The following ACVR1 variants were observed in gnomAD, a reference collection of about 807,000 sequenced individuals.
ACVR1 encodes activin A receptor type 1, also known as activin receptor type-1.
In ACVR1, 38 loss-of-function variants were observed where a neutral mutation model predicts 57.1. The ratio of observed to expected loss-of-function variants is 0.67; its 90% CI spans 0.51 to 0.87. The LOEUF (loss-of-function observed/expected upper bound fraction) is 0.87, where lower values mean the gene tolerates loss of function less well. ACVR1 is among the 40% of genes least tolerant of loss of function. The pLI is 0.00. For missense variants in ACVR1, 463 were observed against 638.2 expected (o/e 0.73, Z 2.96); for synonymous variants, 212 against 228.1 (o/e 0.93, Z 0.63).
chr2:157,753,995 T>A (rs1262045769), intron 9 of ACVR1, among the ~76,000 whole-genome samples: 1 of 152,202 alleles, frequency 6.6e-6, no homozygotes, highest in Non-Finnish European at 1.5e-5. Flanking sequence ...TTAAATCTCC[T>A]GCTCCTCAAT....
Position 157,852,486 on chromosome 2 carries a change from G to A in ACVR1, c.-183+23310C>T, listed in dbSNP as rs138535420. Among the ~76,000 whole-genome samples the A allele has an allele frequency of 4.7e-3, 648 of 138,466 alleles. 7 individuals are homozygous for A. Among genetic ancestry groups the A allele is most frequent in the African/African-American group, 0.016 (578 of 35,890 alleles). The allele number at this position is 138,466 out of a possible 152,430, so 90.8% of individuals were successfully genotyped here. ...TACTATACAGCCTGGATGACAGAGCGAGAGCCTGTCTCAAAAAAAAAAAAA... is the reference window on the plus strand; with the variant it reads ...TACTATACAGCCTGGATGACAGAGCAAGAGCCTGTCTCAAAAAAAAAAAAA... On this transcript the variant is annotated intron_variant, in intron 1 of 10. Transcript: ENST00000434821.
intron 8 of ACVR1, among the ~76,000 whole-genome samples, chr2:157,761,499 G>T (rs914847604): frequency 8.5e-5 from 13 of 152,304 alleles, no homozygotes; most frequent in African/African-American, 3.1e-4. Context: ...TTCCAACAGT[G>T]TGAGATAGAG....
chr2:157,759,920 C>G lies in ACVR1; in HGVS notation c.1264+960G>C, dbSNP rs185240183. Among the ~76,000 whole-genome samples the G allele has an allele frequency of 5.0e-4, 76 of 152,082 alleles. 2 individuals carry two copies. The highest frequency in any genetic ancestry group is 1.7e-3 in the African/African-American group (71 of 41,508). Reference sequence around the variant, plus strand: ...TTCATGATATAAACTCTCAACAAAGCAGGTACAGAAGGAATATACATACTT... The same window carrying G: ...TTCATGATATAAACTCTCAACAAAGGAGGTACAGAAGGAATATACATACTT... On this transcript the variant is annotated intron_variant, in intron 9 of 10. Transcript: ENST00000434821.
At chr2:157,777,399 T>C (rs1559050797) in intron 5 of ACVR1, among the ~76,000 whole-genome samples, 5 of 152,214 alleles carry the variant, frequency 3.3e-5, no homozygotes, top group Admixed American at 3.3e-4. Context: ...GAAAATTTAC[T>C]TCAAAAGCAA....
intron 5 of ACVR1, among the ~76,000 whole-genome samples, chr2:157,777,127 C>T (rs1485189765): frequency 6.6e-6 from 1 of 152,074 alleles, no homozygotes; most frequent in Non-Finnish European, 1.5e-5. Flanking sequence ...ATACCCTTTC[C>T]CCACTTAAAG....
At chr2:157,779,552 C>T (rs1227722820) in intron 4 of ACVR1, among the ~76,000 whole-genome samples, 1 of 152,182 alleles carries the variant, frequency 6.6e-6, no homozygotes, top group Non-Finnish European at 1.5e-5. Context: ...CTCGTCGTTA[C>T]CTCTCCTCCA....
chr2:157,737,282 T>G lies in ACVR1; in HGVS notation c.*249A>C. On this transcript the variant is annotated 3_prime_UTR_variant, in exon 11 of 11. Transcript: ENST00000434821. The stretch of plus-strand genomic sequence containing the variant: ...CCTCCAGTCCCTACCTTTGCAACAG[T>G]GTCTGTCCAACATTAGTCTCTGCAG... 1 of 564,006 alleles carries G rather than the reference T, an allele frequency of 1.8e-6. No homozygotes were observed. Among genetic ancestry groups the G allele is most frequent in the Non-Finnish European group, 3.2e-6 (1 of 313,186 alleles). 34.9% of individuals were successfully genotyped at this position (564,006 alleles called of 1,614,324 possible). A position where few individuals can be genotyped will look rare whatever the true frequency, so the allele number is the denominator to read the frequency against.
intron 9 of ACVR1, among the ~76,000 whole-genome samples, chr2:157,751,676 C>T (rs190605838): frequency 9.2e-5 from 14 of 152,284 alleles, no homozygotes; most frequent in African/African-American, 3.1e-4. Flanking sequence ...AGGCCTATAA[C>T]TGCTGGCTTT....
At chr2:157,821,710 G>T (rs1315549352) in intron 1 of ACVR1, among the ~76,000 whole-genome samples, 1 of 152,118 alleles carries the variant, frequency 6.6e-6, no homozygotes, top group Non-Finnish European at 1.5e-5. Flanking sequence ...GTAAAAGTCT[G>T]ACCCTAAAGG....
intron 3 of ACVR1, among the ~76,000 whole-genome samples, chr2:157,790,884 A>C (rs920254109): frequency 4.6e-5 from 7 of 152,226 alleles, no homozygotes; most frequent in African/African-American, 1.7e-4. Flanking sequence ...TTCAGGATAG[A>C]AGACAAACAC....
intron 8 of ACVR1, among the ~76,000 whole-genome samples, chr2:157,764,041 C>G (rs1559043197): frequency 6.6e-6 from 1 of 152,156 alleles, no homozygotes; most frequent in Admixed American, 6.5e-5. Flanking sequence ...AATTTGTCCA[C>G]CCTCCCCAGA....
intron 7 of ACVR1, among the ~76,000 whole-genome samples, chr2:157,766,888 A>G (rs1685882527): frequency 6.6e-6 from 1 of 152,232 alleles, no homozygotes; most frequent in Non-Finnish European, 1.5e-5. Context: ...TCAAAGGGCA[A>G]CATGAGCCCA....
chr2:157,770,250 C>T lies in ACVR1; in HGVS notation c.790+118G>A, dbSNP rs539144898. On this transcript the variant is annotated intron_variant, in intron 7 of 10. Coordinates refer to ENST00000434821, the MANE Select transcript of ACVR1 (RefSeq NM_001111067.4). Reference sequence around the variant, plus strand: ...TAAACAGCATATAAATGCTAAGGATCCCTATATTGCTTTTTAGGAGACACT... The same window carrying T: ...TAAACAGCATATAAATGCTAAGGATTCCTATATTGCTTTTTAGGAGACACT... 8 of 1,066,958 alleles carry T rather than the reference C, an allele frequency of 7.5e-6. No homozygotes were observed. In the East Asian group the frequency reaches 1.9e-4, roughly 25 times the overall value. 66.1% of individuals were successfully genotyped at this position (1,066,958 alleles called of 1,614,324 possible). A position where few individuals can be genotyped will look rare whatever the true frequency, so the allele number is the denominator to read the frequency against.
chr2:157,791,312 T>C (rs1686903289), intron 3 of ACVR1, among the ~76,000 whole-genome samples: 6 of 152,226 alleles, frequency 3.9e-5, no homozygotes, highest in Admixed American at 3.9e-4. Flanking sequence ...GATTCACTTT[T>C]CCCAAACTCA....
chr2:157,796,396 G>A (rs981217308), intron 3 of ACVR1, among the ~76,000 whole-genome samples: 1 of 151,180 alleles, frequency 6.6e-6, no homozygotes, highest in Non-Finnish European at 1.5e-5. Flanking sequence ...TACTAAAAAT[G>A]CAAAACAATT....
rs1687245837 is a variant in ACVR1 at position 157,799,436 on chromosome 2, T to C, written c.58A>G (p.Ser20Gly). The C allele has an allele frequency of 1.2e-6, 2 of 1,610,338 alleles. No individual in the cohort carries two copies. Among genetic ancestry groups the C allele is most frequent in the Non-Finnish European group, 1.7e-6 (2 of 1,177,820 alleles). ...VLIMIALPSP[S>G]MEDEKPKVNP... ...GATGTGAGTCACTTACCTTCCATAC[T>C]AGGGGAGGGGAGAGCAATCATGATA... The change falls in exon 3 of 11, where the codon AGT becomes GGT. Residue 20 changes from serine to glycine, a missense_variant. Transcript: ENST00000434821.
At position 157,745,294 on chromosome 2, in the gene ACVR1, AC is replaced by A. The variant is rs142462285; in HGVS notation, c.1265-6725del. On this transcript the variant is annotated intron_variant, in intron 9 of 10. Coordinates refer to ENST00000434821, the MANE Select transcript of ACVR1 (RefSeq NM_001111067.4). Reference sequence around the variant, plus strand: ...AACAAGACAGCCTTAGAGCTTGCATACCTCCAAAATCGAGAAAGAGAGGAGC... The same window carrying A: ...AACAAGACAGCCTTAGAGCTTGCATACTCCAAAATCGAGAAAGAGAGGAGC... Among the ~76,000 whole-genome samples, 1,350 of 152,322 alleles carry A rather than the reference AC, an allele frequency of 8.9e-3. 23 individuals are homozygous for A. The highest frequency in any genetic ancestry group is 0.031 in the African/African-American group (1,288 of 41,568).
rs373874849 is a variant in ACVR1, at chr2:157,850,274, A to G, written c.-183+25522T>C. ...GTGTGGTGGTGCACACCTGTAGTCC[A>G]AACTACTCGGGAGGCTGAGGCAGGA... On this transcript the variant is annotated intron_variant, in intron 1 of 10. Coordinates refer to ENST00000434821, the MANE Select transcript of ACVR1 (RefSeq NM_001111067.4). 7.0e-4 allele frequency among the ~76,000 whole-genome samples: 106 copies of G among 151,670 alleles called. No homozygotes were observed. The South Asian group carries it at 0.02, about 29-fold the overall frequency.
At chr2:157,859,777 CCCT>C in intron 1 of ACVR1, among the ~76,000 whole-genome samples, 1 of 152,284 alleles carries the variant, frequency 6.6e-6, no homozygotes, top group East Asian at 1.9e-4. Context: ...TCGATTATCC[CCCT>C]AAGTGTTTCC....
Sources: gnomAD v4.1 joint callset for allele counts (sites outside exome capture counted in the v4.1 genomes callset) on GRCh38, gnomAD v4.1.1 for gene constraint, MANE v1.5 for transcripts, NCBI Gene and HGNC (gene_info 2026-07-23, HGNC 2026-07-21) for gene names.